The following ENG variants were observed in gnomAD, a reference collection of about 807,000 sequenced individuals.
ENG encodes the protein CD105 antigen.
A neutral mutation model predicts 71.0 loss-of-function variants in ENG; 17 were observed. That is an observed-to-expected ratio of 0.24 (90% CI 0.16 to 0.36). ENG has a LOEUF of 0.36. Among genes scored for constraint, ENG ranks in the 10% least tolerant of loss-of-function variants. The probability of loss-of-function intolerance (pLI) is 1.00; values close to 1 mark genes in which losing one functional copy is unlikely to be tolerated. For synonymous variants in ENG, 360 were observed against 366.9 expected (o/e 0.98, Z 0.21); for missense variants, 749 against 868.3 (o/e 0.86, Z 1.73).
Position 127,828,412 on chromosome 9 carries a change from T to C in ENG, c.360+1275A>G, listed in dbSNP as rs41328850. On this transcript the variant is annotated intron_variant, in intron 3 of 14. Coordinates refer to ENST00000373203, the MANE Select transcript of ENG (RefSeq NM_001114753.3). ...CCGAGGCCGCGCCTTGGCCTCTTTG[T>C]CCCCTCTGGCCACCGGCCCCAGGGA... Among the ~76,000 whole-genome samples the C allele has an allele frequency of 3.9e-3, 597 of 152,188 alleles. 6 individuals are homozygous for C. Among genetic ancestry groups the C allele is most frequent in the African/African-American group, 0.014 (573 of 41,544 alleles).
At chr9:127,831,765 C>T (rs564456740) in intron 2 of ENG, among the ~76,000 whole-genome samples, 1 of 151,108 alleles carries the variant, frequency 6.6e-6, no homozygotes, top group African/African-American at 2.4e-5. Flanking sequence ...AATCTCAGCT[C>T]ACTACAACCT....
At position 127,840,733 on chromosome 9, in the gene ENG, G is replaced by A. The variant is rs147875273; in HGVS notation, c.219+2361C>T. ...ACCCTGGGTTTCCTGGACCCCAGAT[G>A]TCTCTACCACCTCCTCAAATGAACA... On this transcript the variant is annotated intron_variant, in intron 2 of 14. Transcript: ENST00000373203. Among the ~76,000 whole-genome samples, 144 of 152,310 alleles carry A rather than the reference G, an allele frequency of 9.5e-4. 1 individual carries two copies. The highest frequency in any genetic ancestry group is 3.3e-3 in the African/African-American group (138 of 41,574).
intron 8 of ENG, among the ~76,000 whole-genome samples, chr9:127,823,958 G>A (rs1227988961): frequency 6.6e-6 from 1 of 152,110 alleles, no homozygotes; most frequent in African/African-American, 2.4e-5. Flanking sequence ...TGAGATTACA[G>A]GCGTGAACCA....
chr9:127,849,501 A>ATGGC (rs1339430602), intron 1 of ENG, among the ~76,000 whole-genome samples: 2 of 152,116 alleles, frequency 1.3e-5, no homozygotes, highest in Non-Finnish European at 2.9e-5. Flanking sequence ...CTGTTTCCCT[A>ATGGC]TGGCTAGTGG....
chr9:127,842,963 ACT>A, intron 2 of ENG, 129 bp downstream of exon 2: 1 of 1,420,208 alleles, frequency 7.0e-7, no homozygotes, highest in Non-Finnish European at 9.8e-7. Context: ...TGCCCACATC[ACT>A]CTCTTGGCAG....
In ENG at chr9:127,854,357, C is replaced by A. The variant is rs1417800476; in HGVS notation, c.-2G>T. ...CAGAGGGAGCGTGCCGCGGTCCATG[C>A]TGTCCACGTGGGGGCCTGTGCGCTG... On this transcript the variant is annotated 5_prime_UTR_variant, in exon 1 of 15. Coordinates refer to ENST00000373203, the MANE Select transcript of ENG (RefSeq NM_001114753.3). 3.2e-6 allele frequency: 5 copies of A among 1,587,138 alleles called. No individual in the cohort carries two copies.
chr9:127,820,243 A>G (rs2131879618), intron 8 of ENG, among the ~76,000 whole-genome samples: 1 of 152,146 alleles, frequency 6.6e-6, no homozygotes, highest in South Asian at 2.1e-4. Flanking sequence ...CTTTTTGCCC[A>G]GGTGCAGTGG....
rs1036013783 is a variant in ENG, at chr9:127,838,161, C to T, written c.219+4933G>A. Among the ~76,000 whole-genome samples the T allele has an allele frequency of 2.0e-5, 3 of 152,028 alleles. No individual in the cohort carries two copies. Among genetic ancestry groups the T allele is most frequent in the African/African-American group, 7.2e-5 (3 of 41,398 alleles). On this transcript the variant is annotated intron_variant, in intron 2 of 14. Transcript: ENST00000373203. The surrounding 1 kb of genome is among the most constrained non-coding windows in gnomAD (Gnocchi z 4.3). ...GTCTGGGGGAGCTCACATAGCCATG[C>T]AGTGCTCCCCTGGAGGATGGAACAG...
chr9:127,842,839 A>G (rs1831072331), intron 2 of ENG, among the ~76,000 whole-genome samples: 1 of 151,946 alleles, frequency 6.6e-6, no homozygotes, highest in African/African-American at 2.4e-5. Context: ...CCCCCCACCC[A>G]TCTGGCTCTT....
intron 1 of ENG, among the ~76,000 whole-genome samples, chr9:127,849,063 A>G (rs1254917085): frequency 6.6e-6 from 1 of 152,080 alleles, no homozygotes; most frequent in African/African-American, 2.4e-5. Flanking sequence ...CTTTGACCTA[A>G]GTCACCTTTA....
rs140155568 is a variant in ENG at position 127,824,891 on chromosome 9, C to A, written c.900G>T (p.Leu300=). ...TGGCATTGAGCATCCGGGCCTCCCC[C>A]AGGAGGCCTTGAGGTGTGTCTGGGA... is the stretch of plus-strand genomic sequence containing the variant. ...FKLPDTPQGL[L]GEARMLNASI... Residue 300 remains leucine (L), a synonymous_variant, in exon 7 of 15, where the codon CTG becomes CTT. Coordinates refer to ENST00000373203, the MANE Select transcript of ENG (RefSeq NM_001114753.3). The A allele has an allele frequency of 6.2e-7, 1 of 1,613,626 alleles. No homozygotes were observed. Among genetic ancestry groups the A allele is most frequent in the Non-Finnish European group, 8.5e-7 (1 of 1,179,786 alleles).
chr9:127,826,684 T>A lies in ENG; in HGVS notation c.361-12A>T, dbSNP rs1830625158. ...ACCAGGCTGGAATTCTGGGGAGACA[T>A]GTGGAGGCTCAGCACGCTGTTCCTG... On this transcript the variant is annotated splice_polypyrimidine_tract_variant and intron_variant, in intron 3 of 14. Coordinates refer to ENST00000373203, the MANE Select transcript of ENG (RefSeq NM_001114753.3). 1.2e-6 allele frequency: 2 copies of A among 1,612,936 alleles called. No individual in the cohort carries two copies. The highest frequency in any genetic ancestry group is 2.7e-5 in the African/African-American group (2 of 74,826).
At chr9:127,844,314 A>G (rs1321120358) in intron 1 of ENG, among the ~76,000 whole-genome samples, 1 of 151,350 alleles carries the variant, frequency 6.6e-6, no homozygotes. Flanking sequence ...TTTAGTAAAG[A>G]TGGGGCTTCT....
At chr9:127,851,348 T>C (rs1351794983) in intron 1 of ENG, among the ~76,000 whole-genome samples, 1 of 151,726 alleles carries the variant, frequency 6.6e-6, no homozygotes, top group East Asian at 2.0e-4. Flanking sequence ...GCCTCCCAAG[T>C]AGCTGGGATT....
At chr9:127,829,905 T>G (rs899754199) in intron 2 of ENG, 78 bp from the exon 3 acceptor site, 14 of 1,597,918 alleles carry the variant, frequency 8.8e-6, no homozygotes, top group Non-Finnish European at 1.2e-5. Context: ...GCAGTGATGA[T>G]TTGGATGCTT....
At chr9:127,827,147 G>C (rs1163935461) in intron 3 of ENG, 2 of 159,240 alleles carry the variant, frequency 1.3e-5, no homozygotes, top group Non-Finnish European at 2.8e-5. Flanking sequence ...TGACATGCCA[G>C]CGTCACCCTG....
Position 127,817,177 on chromosome 9 carries a change from G to A in ENG, c.1713C>T (p.Arg571=). 1 of 1,614,238 alleles carries A rather than the reference G, an allele frequency of 6.2e-7. No individual in the cohort carries two copies. The change falls in exon 13 of 15, where the codon CGC becomes CGT. Residue 571 remains arginine (R), a synonymous_variant. Coordinates refer to ENST00000373203, the MANE Select transcript of ENG (RefSeq NM_001114753.3). ...DQEVHRTVFM[R]LNIISPDLSG... ...ACAGGTCAGGGCTGATGATGTTCAAGCGCATGAAGACAGTCCTATGGACTT... is the reference window on the plus strand; with the variant it reads ...ACAGGTCAGGGCTGATGATGTTCAAACGCATGAAGACAGTCCTATGGACTT...
intron 1 of ENG, among the ~76,000 whole-genome samples, chr9:127,847,600 C>T (rs1436641740): frequency 6.6e-6 from 1 of 152,068 alleles, no homozygotes; most frequent in Non-Finnish European, 1.5e-5. Flanking sequence ...TACAAGTGGA[C>T]CACCACACTC....
chr9:127,819,764 T>TG, intron 9 of ENG, 104 bp from the exon 10 acceptor site: 2 of 1,596,006 alleles, frequency 1.3e-6, no homozygotes, highest in African/African-American at 2.7e-5. Context: ...AGCCAACCAA[T>TG]GGCCAAGCTT....
Sources: gnomAD v4.1 joint callset for allele counts (sites outside exome capture counted in the v4.1 genomes callset) on GRCh38, gnomAD v4.1.1 for gene constraint, Gnocchi (gnomAD v3.1) non-coding constraint, MANE v1.5 for transcripts, NCBI Gene and HGNC (gene_info 2026-07-23, HGNC 2026-07-21) for gene names.